The following NEO1 variants were observed in gnomAD, a reference collection of about 807,000 sequenced individuals.
The protein encoded by NEO1 is neogenin.
Under a neutral mutation model 159.7 loss-of-function variants are expected in NEO1, and 63 were observed. That is an observed-to-expected ratio of 0.39 (90% CI 0.32 to 0.49). The LOEUF is 0.49. Ranked by LOEUF, NEO1 falls within the 20% of genes least tolerant of loss-of-function variation. NEO1 has a pLI of 0.85. For synonymous variants in NEO1, 633 were observed against 662.0 expected (o/e 0.96, Z 0.67); for missense variants, 1,615 against 1,831.0 (o/e 0.88, Z 2.15).
chr15:73,286,609 C>T (rs907797456), intron 23 of NEO1, among the ~76,000 whole-genome samples: 2 of 152,176 alleles, frequency 1.3e-5, no homozygotes, highest in African/African-American at 4.8e-5. Context: ...ACACAGTTGC[C>T]TCTTCTACAT....
At chr15:73,112,388 A>G (rs537573339) in intron 1 of NEO1, among the ~76,000 whole-genome samples, 253 of 152,044 alleles carry the variant, frequency 1.7e-3, no homozygotes, top group African/African-American at 5.8e-3. Flanking sequence ...TTTCCCCCCA[A>G]TCCATTGTCT....
chr15:73,268,456 G>A (rs147088669), intron 16 of NEO1, among the ~76,000 whole-genome samples: 1,699 of 152,272 alleles, frequency 0.011, 17 homozygotes, highest in Non-Finnish European at 0.017. Flanking sequence ...ACCTGAAGGT[G>A]CATTTTCTGT....
At chr15:73,126,610 T>A in intron 4 of NEO1, 40 bp downstream of exon 4, 2 of 1,584,250 alleles carry the variant, frequency 1.3e-6, no homozygotes, top group Non-Finnish European at 1.7e-6. Context: ...CAGCCTTAGC[T>A]TGAGACTTTG....
chr15:73,111,616 A>T (rs764646962), intron 1 of NEO1, among the ~76,000 whole-genome samples: 1 of 151,964 alleles, frequency 6.6e-6, no homozygotes, highest in Non-Finnish European at 1.5e-5. Context: ...ATTTATTTAG[A>T]GACAAGGTTT....
At chr15:73,219,556 C>CT (rs2150744582) in intron 7 of NEO1, among the ~76,000 whole-genome samples, 1 of 134,072 alleles carries the variant, frequency 7.5e-6, no homozygotes, top group Non-Finnish European at 1.6e-5. Flanking sequence ...GTGTGGGAGT[C>CT]TAAGTCTCTT....
At chr15:73,201,142 ATTTTCTCTATTTTTC>A in intron 7 of NEO1, among the ~76,000 whole-genome samples, 2 of 150,622 alleles carry the variant, frequency 1.3e-5, no homozygotes, top group Non-Finnish European at 3.0e-5. Context: ...ATTTCATTTT[ATTTTCTCTATTTTTC>A]TGTTTTCAAT....
rs914115982 is a variant in NEO1, at chr15:73,132,267, C to T, written c.879-3624C>T. ...AATACTTTTTTGCTTTCTTTTTGTC[C>T]CTATTGTTACGGCCATAATCTTTTG... On this transcript the variant is annotated intron_variant, in intron 4 of 28. Coordinates refer to ENST00000261908, the MANE Select transcript of NEO1 (RefSeq NM_002499.4). Among the ~76,000 whole-genome samples the T allele has an allele frequency of 3.3e-5, 5 of 152,126 alleles. No homozygotes were observed. The East Asian group carries it at 9.6e-4, about 29-fold the overall frequency.
chr15:73,164,207 T>C (rs1213289417), intron 5 of NEO1, among the ~76,000 whole-genome samples: 2 of 145,702 alleles, frequency 1.4e-5, no homozygotes, highest in Non-Finnish European at 3.0e-5. Context: ...ATTATTATTA[T>C]TGGTTTTTTT....
In NEO1 at chr15:73,188,990, T is replaced by TAAA. The variant is rs1434708579; in HGVS notation, c.1291+10564_1291+10566dup. Among the ~76,000 whole-genome samples, 2 of 151,984 alleles carry TAAA rather than the reference T, an allele frequency of 1.3e-5. 1 individual carries two copies. The highest frequency in any genetic ancestry group is 2.9e-5 in the Non-Finnish European group (2 of 67,982). On this transcript the variant is annotated intron_variant, in intron 7 of 28. Coordinates refer to ENST00000261908, the MANE Select transcript of NEO1 (RefSeq NM_002499.4). ...GGCACACACCTTTGGTCCCAGGTAC[T>TAAA]AAAGAGGCTGAGATGGGAGGATTGC...
chr15:73,052,711 C>T lies in NEO1; in HGVS notation c.36C>T (p.Ser12=). The T allele has an allele frequency of 2.9e-6, 4 of 1,363,046 alleles. No individual in the cohort carries two copies. Among genetic ancestry groups the T allele is most frequent in the African/African-American group, 1.5e-5 (1 of 65,996 alleles). The allele number at this position is 1,363,046 out of a possible 1,614,324, so 84.4% of individuals were successfully genotyped here. A position where few individuals can be genotyped will look rare whatever the true frequency, so the allele number is the denominator to read the frequency against. The change falls in exon 1 of 29, where the codon AGC becomes AGT. Residue 12 remains serine (S), a synonymous_variant. Coordinates refer to ENST00000261908, the MANE Select transcript of NEO1 (RefSeq NM_002499.4). The part of the protein sequence containing the change: ...AAERGARRLL[S]TPSFWLYCLL... ...AGCGGGGAGCCCGGCGACTCCTCAGCACCCCCTCCTTCTGGCTCTACTGCC... is the reference window on the plus strand; with the variant it reads ...AGCGGGGAGCCCGGCGACTCCTCAGTACCCCCTCCTTCTGGCTCTACTGCC...
intron 1 of NEO1, among the ~76,000 whole-genome samples, chr15:73,098,122 A>C (rs1450483203): frequency 6.6e-6 from 1 of 151,910 alleles, no homozygotes; most frequent in Non-Finnish European, 1.5e-5. Flanking sequence ...AACAATACTA[A>C]TGCTAACTGC....
At chr15:73,072,781 C>G (rs1482799258) in intron 1 of NEO1, among the ~76,000 whole-genome samples, 2 of 151,980 alleles carry the variant, frequency 1.3e-5, no homozygotes, top group African/African-American at 4.8e-5. Flanking sequence ...AGGTAGTTTA[C>G]AGAGGTAAAT....
rs752753667 is a variant in NEO1, at chr15:73,122,637, G to A, written c.561G>A (p.Gln187=). Residue 187 remains glutamine (Q), a synonymous_variant, in exon 3 of 29, where the codon CAG becomes CAA. Coordinates refer to ENST00000261908, the MANE Select transcript of NEO1 (RefSeq NM_002499.4). ...ADLVPFVRWE[Q]NRQPLLLDDR... ...TGGTCCCATTTGTGAGGTGGGAACA[G>A]AACAGACAACCCCTTCTTCTGGATG... The A allele has an allele frequency of 6.2e-7, 1 of 1,614,176 alleles. No homozygotes were observed. The highest frequency in any genetic ancestry group is 8.5e-7 in the Non-Finnish European group (1 of 1,180,024).
chr15:73,103,267 G>T (rs1567199415), intron 1 of NEO1, among the ~76,000 whole-genome samples: 2 of 152,054 alleles, frequency 1.3e-5, no homozygotes, highest in Non-Finnish European at 2.9e-5. Flanking sequence ...CCATCTTAAA[G>T]CCCTTCAAGA....
At position 73,112,424 on chromosome 15, in the gene NEO1, T is replaced by TA. The variant is rs543627858; in HGVS notation, c.131-4110dup. 2.1e-3 allele frequency among the ~76,000 whole-genome samples: 327 copies of TA among 152,266 alleles called. 2 individuals are homozygous for TA. The highest frequency in any genetic ancestry group is 7.5e-3 in the African/African-American group (310 of 41,554). On this transcript the variant is annotated intron_variant, in intron 1 of 28. Coordinates refer to ENST00000261908, the MANE Select transcript of NEO1 (RefSeq NM_002499.4). ...TTTGCTTTGTTATGGTATTTTGCCA[T>TA]AAAAAATTTTTTTTTAATGCAATAA...
At chr15:73,062,474 G>A (rs2068026386) in intron 1 of NEO1, among the ~76,000 whole-genome samples, 1 of 152,132 alleles carries the variant, frequency 6.6e-6, no homozygotes, top group Non-Finnish European at 1.5e-5. Context: ...TTAGTGATAA[G>A]CAAACTGAGT....
chr15:73,100,950 G>A (rs895800835), intron 1 of NEO1, among the ~76,000 whole-genome samples: 5 of 152,016 alleles, frequency 3.3e-5, no homozygotes, highest in Admixed American at 1.3e-4. Flanking sequence ...TATTTTAGAG[G>A]CTATTCAAGC....
At chr15:73,225,397 A>G (rs571382434) in intron 7 of NEO1, among the ~76,000 whole-genome samples, 1 of 152,234 alleles carries the variant, frequency 6.6e-6, no homozygotes, top group Admixed American at 6.5e-5. Context: ...TTCAGCTACC[A>G]GAGTGAGTAG....
chr15:73,241,926 C>CA (rs1356535672), intron 8 of NEO1, among the ~76,000 whole-genome samples: 1 of 151,864 alleles, frequency 6.6e-6, no homozygotes, highest in African/African-American at 2.4e-5. Flanking sequence ...TAGAAGCAAA[C>CA]AAAAAATATA....
Sources: gnomAD v4.1 joint callset for allele counts (sites outside exome capture counted in the v4.1 genomes callset) on GRCh38, gnomAD v4.1.1 for gene constraint, MANE v1.5 for transcripts, NCBI Gene and HGNC (gene_info 2026-07-23, HGNC 2026-07-21) for gene names.